The following CNIH3 variants were observed in gnomAD, a reference collection of about 807,000 sequenced individuals.
CNIH3 encodes the protein protein cornichon homolog 3.
A neutral mutation model predicts 24.1 loss-of-function variants in CNIH3; 14 were observed. The ratio of observed to expected loss-of-function variants is 0.58; its 90% CI spans 0.38 to 0.91. The LOEUF (loss-of-function observed/expected upper bound fraction) is 0.91, where lower values mean the gene tolerates loss of function less well. Ranked by LOEUF, CNIH3 falls within the 40% of genes least tolerant of loss-of-function variation. The probability of loss-of-function intolerance (pLI) is 0.00; values close to 1 mark genes in which losing one functional copy is unlikely to be tolerated. For synonymous variants in CNIH3, 68 were observed against 73.8 expected, an observed-to-expected ratio of 0.92 and a Z score of 0.40; for missense variants, 178 against 196.8, an observed-to-expected ratio of 0.90 and a Z score of 0.57.
chr1:224,532,771 C>A (rs2124933420), intron 2 of CNIH3, among the ~76,000 whole-genome samples: 1 of 152,292 alleles, frequency 6.6e-6, no homozygotes, highest in Middle Eastern at 3.4e-3. Context: ...CAATTTGTAT[C>A]TACTAATGCT....
At chr1:224,658,813 C>A (rs1018280969) in intron 1 of CNIH3, among the ~76,000 whole-genome samples, 3 of 151,508 alleles carry the variant, frequency 2.0e-5, no homozygotes, top group African/African-American at 7.3e-5. Flanking sequence ...AAGAGAAAAT[C>A]GAATTTACCT....
chr1:224,603,748 G>T (rs776365757), intron 3 of CNIH3, among the ~76,000 whole-genome samples: 1 of 152,050 alleles, frequency 6.6e-6, no homozygotes, highest in African/African-American at 2.4e-5. Context: ...TTGTACTGAC[G>T]CTTGCACGGT....
intron 1 of CNIH3, among the ~76,000 whole-genome samples, chr1:224,483,384 C>T (rs1328105423): frequency 2.7e-5 from 4 of 149,424 alleles, no homozygotes; most frequent in Non-Finnish European, 5.9e-5. Flanking sequence ...TGTGATTGCT[C>T]ACCTGATTTT....
intron 1 of CNIH3, among the ~76,000 whole-genome samples, chr1:224,653,352 G>A (rs938597894): frequency 4.5e-4 from 68 of 151,030 alleles, no homozygotes; most frequent in African/African-American, 1.2e-3. Flanking sequence ...AACCCAGGAG[G>A]CAGAGGTTGC....
chr1:224,478,977 A>G (rs1436758443), intron 1 of CNIH3, among the ~76,000 whole-genome samples: 2 of 152,042 alleles, frequency 1.3e-5, no homozygotes, highest in Non-Finnish European at 2.9e-5. Context: ...ACCTGCCCGC[A>G]TGATTCAATT....
intron 1 of CNIH3, among the ~76,000 whole-genome samples, chr1:224,451,765 A>G (rs910240922): frequency 6.6e-6 from 1 of 152,204 alleles, no homozygotes; most frequent in African/African-American, 2.4e-5. Context: ...GACTTCCAGA[A>G]CAGTTCTATC....
chr1:224,603,953 A>G (rs1292978885), intron 3 of CNIH3, among the ~76,000 whole-genome samples: 3 of 152,256 alleles, frequency 2.0e-5, no homozygotes. Flanking sequence ...TCTTAAATGT[A>G]TAAATATTGA....
At chr1:224,644,512 T>C (rs1684509029) in intron 1 of CNIH3, among the ~76,000 whole-genome samples, 1 of 152,186 alleles carries the variant, frequency 6.6e-6, no homozygotes, top group Non-Finnish European at 1.5e-5. Context: ...TCTAATATTA[T>C]GCCTGGCATG....
intron 4 of CNIH3, among the ~76,000 whole-genome samples, chr1:224,567,852 T>C (rs1356347872): frequency 2.0e-5 from 3 of 152,328 alleles, no homozygotes; most frequent in East Asian, 1.9e-4. Flanking sequence ...TGGGATGTTA[T>C]AAGATCGAGA....
At chr1:224,733,294 C>T (rs1013881009) in intron 4 of CNIH3, among the ~76,000 whole-genome samples, 1 of 152,234 alleles carries the variant, frequency 6.6e-6, no homozygotes, top group African/African-American at 2.4e-5. Context: ...TGACTGGTGA[C>T]TGGCAGGGCC....
chr1:224,445,000 A>G (rs1403004223), intron 1 of CNIH3, among the ~76,000 whole-genome samples: 3 of 150,924 alleles, frequency 2.0e-5, no homozygotes, highest in Non-Finnish European at 4.4e-5. Context: ...AGAAAGGAGT[A>G]TATACATCCT....
chr1:224,524,632 A>G (rs540884520), intron 2 of CNIH3, among the ~76,000 whole-genome samples: 2 of 152,204 alleles, frequency 1.3e-5, no homozygotes, highest in Non-Finnish European at 2.9e-5. Context: ...GCATTGTGTT[A>G]GGTAGGGATA....
At chr1:224,586,323 GA>G (rs887427948) in intron 5 of CNIH3, among the ~76,000 whole-genome samples, 13 of 152,194 alleles carry the variant, frequency 8.5e-5, no homozygotes, top group Non-Finnish European at 1.5e-4. Flanking sequence ...GGTAGAAGGT[GA>G]AAGGCATGTC....
At chr1:224,607,291 GA>G (rs954694154) in intron 3 of CNIH3, among the ~76,000 whole-genome samples, 44 of 152,156 alleles carry the variant, frequency 2.9e-4, no homozygotes, top group African/African-American at 8.0e-4. Context: ...ACACACCCAG[GA>G]AAAAGGGACA....
chr1:224,740,413 T>C lies in CNIH3; in HGVS notation c.*1057T>C, dbSNP rs1397843833. On this transcript the variant is annotated 3_prime_UTR_variant, in exon 6 of 6. Coordinates refer to ENST00000272133, the MANE Select transcript of CNIH3 (RefSeq NM_152495.2). Reference sequence around the variant, plus strand: ...TTTTGACCTTATTCCCCAAACTTCTTTTCTTTTCTACTGTTTAACATACAC... The same window carrying C: ...TTTTGACCTTATTCCCCAAACTTCTCTTCTTTTCTACTGTTTAACATACAC... 1.3e-5 allele frequency: 2 copies of C among 152,216 alleles called. No individual in the cohort carries two copies. Among genetic ancestry groups the C allele is most frequent in the Non-Finnish European group, 2.9e-5 (2 of 68,030 alleles). 9.4% of individuals were successfully genotyped at this position (152,216 alleles called of 1,614,324 possible).
intron 1 of CNIH3, among the ~76,000 whole-genome samples, chr1:224,475,248 C>A (rs1213310482): frequency 8.5e-6 from 1 of 118,322 alleles, no homozygotes; most frequent in East Asian, 2.8e-4. Flanking sequence ...CCCAGCTACT[C>A]GGGAGGCTGA....
chr1:224,566,596 C>G (rs1219784947), intron 4 of CNIH3, among the ~76,000 whole-genome samples: 2 of 152,160 alleles, frequency 1.3e-5, no homozygotes, highest in African/African-American at 4.8e-5. Flanking sequence ...TCAACTCCCA[C>G]TTATGAGTGA....
chr1:224,581,153 CT>C (rs1681258994), intron 4 of CNIH3, among the ~76,000 whole-genome samples: 1 of 152,092 alleles, frequency 6.6e-6, no homozygotes, highest in Non-Finnish European at 1.5e-5. Context: ...ATTTGGGGTC[CT>C]GAAATTTTAT....
At chr1:224,611,405 A>G (rs1171876956), upstream of CNIH3, 1 of 152,236 alleles carries the variant, frequency 6.6e-6, no homozygotes, top group Non-Finnish European at 1.5e-5. Context: ...TATGGGTTAA[A>G]ACAAATGAGA....
Sources: allele counts gnomAD v4.1 joint callset (sites outside exome capture counted in the v4.1 genomes callset), GRCh38; gene constraint gnomAD v4.1.1; transcripts MANE v1.5; gene names NCBI Gene and HGNC (gene_info 2026-07-23, HGNC 2026-07-21).